DNAH7: variants seen among roughly 807,000 people sequenced by gnomAD.
DNAH7 encodes the protein dynein axonemal heavy chain 7, also known as axonemal beta dynein heavy chain 7.
A neutral mutation model predicts 444.6 loss-of-function variants in DNAH7; 397 were observed. The observed-to-expected ratio is 0.89, with a 90% CI of 0.82 to 0.97. The LOEUF is 0.97. Ranked by LOEUF, DNAH7 falls within the 50% of genes least tolerant of loss-of-function variation. The probability of loss-of-function intolerance (pLI) is 0.00; values close to 1 mark genes in which losing one functional copy is unlikely to be tolerated. For missense variants in DNAH7, 4,902 were observed against 4,800.8 expected, an observed-to-expected ratio of 1.02 and a Z score of -0.62; for synonymous variants, 1,636 against 1,624.4, an observed-to-expected ratio of 1.01 and a Z score of -0.17.
At chr2:196,044,985 G>A (rs1041901209) in intron 5 of DNAH7, among the ~76,000 whole-genome samples, 9 of 151,946 alleles carry the variant, frequency 5.9e-5, no homozygotes, top group Admixed American at 4.6e-4. Context: ...AGAAACATCT[G>A]AGCCCAGGGT....
intron 12 of DNAH7, among the ~76,000 whole-genome samples, chr2:195,991,214 T>C (rs1693317572): frequency 6.6e-6 from 1 of 152,064 alleles, no homozygotes; most frequent in Non-Finnish European, 1.5e-5. Context: ...ATAGTTTGCC[T>C]ACTCCCAATT....
At chr2:195,808,601 A>T (rs1696814005) in intron 53 of DNAH7, 81 bp downstream of exon 53, 1 of 1,529,288 alleles carries the variant, frequency 6.5e-7, no homozygotes, top group Non-Finnish European at 8.9e-7. Context: ...AGCTTATTTA[A>T]ATCTTGCTTT....
rs749776504 is a variant in DNAH7, at chr2:195,855,865, C to A, written c.8541G>T (p.Arg2847Ser). ...ALKEVQDKLARLQDTLELNKQ... is the reference protein window; with the variant it reads ...ALKEVQDKLASLQDTLELNKQ... ...TATTTAATTCAAGTGTGTCTTGAAG[C>A]CTGGCCAGCTTGTCCTGAACTTCCT... The change falls in exon 45 of 65, where the codon AGG becomes AGT. Residue 2847 changes from arginine (R) to serine (S), a missense_variant. By Grantham distance (110) the Arg-to-Ser change is moderately radical. Transcript: ENST00000312428. 2.9e-5 allele frequency: 47 copies of A among 1,613,928 alleles called. No individual in the cohort carries two copies. Among genetic ancestry groups the A allele is most frequent in the Non-Finnish European group, 3.4e-5 (40 of 1,179,966 alleles).
rs1244100848 is a variant in DNAH7 at position 195,802,065 on chromosome 2, A to G, written c.10177-2593T>C. Among the ~76,000 whole-genome samples the G allele has an allele frequency of 3.3e-5, 5 of 152,242 alleles. No individual in the cohort carries two copies. The East Asian group carries it at 9.6e-4, about 29-fold the overall frequency. On this transcript the variant is annotated intron_variant, in intron 54 of 64. Transcript: ENST00000312428. Reference sequence around the variant, plus strand: ...AATTGATAAAAAGCTCAGGATGCCTACTTTTGTGAAAGTGGGGTTCTAATT... The same window carrying G: ...AATTGATAAAAAGCTCAGGATGCCTGCTTTTGTGAAAGTGGGGTTCTAATT...
chr2:195,959,990 T>C (rs1041670183), intron 18 of DNAH7, among the ~76,000 whole-genome samples: 2 of 152,190 alleles, frequency 1.3e-5, no homozygotes, highest in Non-Finnish European at 2.9e-5. Context: ...TTGTTATGAA[T>C]ACAGAAGTTA....
chr2:195,868,438 G>A (rs946758709), intron 40 of DNAH7, among the ~76,000 whole-genome samples: 1 of 151,558 alleles, frequency 6.6e-6, no homozygotes, highest in Non-Finnish European at 1.5e-5. Context: ...GGTACTTAAT[G>A]GCAGTTTTGA....
At chr2:195,955,785 CTT>C (rs1187248646) in intron 19 of DNAH7, among the ~76,000 whole-genome samples, 5 of 152,046 alleles carry the variant, frequency 3.3e-5, no homozygotes, top group African/African-American at 1.2e-4. Context: ...CAAGTATCTA[CTT>C]TTTGCTTTTT....
At chr2:195,763,456 TA>T (rs2105925289) in intron 61 of DNAH7, among the ~76,000 whole-genome samples, 1 of 151,406 alleles carries the variant, frequency 6.6e-6, no homozygotes, top group African/African-American at 2.4e-5. Flanking sequence ...TATGAAAAGA[TA>T]AACAAAATCA....
chr2:195,822,412 T>C (rs1401133954), intron 49 of DNAH7, among the ~76,000 whole-genome samples: 3 of 152,194 alleles, frequency 2.0e-5, no homozygotes, highest in Non-Finnish European at 2.9e-5. Context: ...TTTAAGAACA[T>C]AAACTATGGT....
intron 51 of DNAH7, among the ~76,000 whole-genome samples, chr2:195,811,906 T>C (rs1407179656): frequency 2.6e-5 from 4 of 152,184 alleles, no homozygotes; most frequent in Admixed American, 2.6e-4. Context: ...TTCCTGGGCA[T>C]GGGCGAAGCT....
At chr2:195,809,390 CTT>C (rs1262241836) in intron 52 of DNAH7, among the ~76,000 whole-genome samples, 5 of 152,180 alleles carry the variant, frequency 3.3e-5, no homozygotes, top group African/African-American at 1.2e-4. Flanking sequence ...AAAATAGTGA[CTT>C]TACACAGATT....
chr2:195,861,376 G>A (rs1289357615), intron 42 of DNAH7, among the ~76,000 whole-genome samples: 1 of 152,064 alleles, frequency 6.6e-6, no homozygotes, highest in African/African-American at 2.4e-5. Context: ...AGTCTCAGCT[G>A]TTCAGTATTC....
intron 5 of DNAH7, among the ~76,000 whole-genome samples, chr2:196,029,850 G>A (rs966392069): frequency 6.7e-6 from 1 of 150,248 alleles, no homozygotes; most frequent in Non-Finnish European, 1.5e-5. Flanking sequence ...AAAATGAAAA[G>A]AACTATATTT....
rs1701612568 is a variant in DNAH7, at chr2:195,884,783, C to A, written c.5565G>T (p.Trp1855Cys). ...LEGIFLFSLI[W>C]SVGASCTDDD... Reference sequence around the variant, plus strand: ...CATCTGTACAAGAAGCACCAACGGACCAGATCAATGAAAACAGAAAAATGC... The same window carrying A: ...CATCTGTACAAGAAGCACCAACGGAACAGATCAATGAAAACAGAAAAATGC... The change falls in exon 35 of 65, where the codon TGG (tryptophan) becomes TGT (cysteine). Residue 1855 changes from tryptophan (W) to cysteine (C), a missense_variant. Physicochemically the swap from Trp to Cys is radical, Grantham distance 215. Transcript: ENST00000312428. The A allele has an allele frequency of 2.5e-6, 4 of 1,613,020 alleles. No individual in the cohort carries two copies. Among genetic ancestry groups the A allele is most frequent in the Non-Finnish European group, 3.4e-6 (4 of 1,179,662 alleles).
At position 196,051,169 on chromosome 2, in the gene DNAH7, T is replaced by C. The variant is rs912481545; in HGVS notation, c.141+18A>G. 1.9e-6 allele frequency: 3 copies of C among 1,607,200 alleles called. No homozygotes were observed. The African/African-American group carries it at 4.0e-5, about 21-fold the overall frequency. On this transcript the variant is annotated intron_variant, in intron 3 of 64. Transcript: ENST00000312428. ...TTGAAGCACAAAAATTCAATGAGAA[T>C]ATATTTGGATAAGTTACCATAGACA...
intron 36 of DNAH7, among the ~76,000 whole-genome samples, chr2:195,880,960 T>A (rs1005762514): frequency 1.3e-5 from 2 of 152,110 alleles, no homozygotes; most frequent in African/African-American, 4.8e-5. Flanking sequence ...TGGTGATATC[T>A]TAGATAAATC....
At chr2:195,907,040 CTT>C (rs762996922) in intron 25 of DNAH7, 31 bp from the exon 26 acceptor site, 6 of 1,550,982 alleles carry the variant, frequency 3.9e-6, no homozygotes, top group Middle Eastern at 1.7e-4. Context: ...AAATTTTTGA[CTT>C]TATCTGATTC....
At chr2:196,001,310 T>C (rs188880346) in intron 11 of DNAH7, among the ~76,000 whole-genome samples, 15 of 152,350 alleles carry the variant, frequency 9.8e-5, no homozygotes, top group African/African-American at 3.4e-4. Flanking sequence ...ATGTGAATTT[T>C]CACTAATCTT....
rs77415044 is a variant in DNAH7, at chr2:195,814,078, T to C, written c.9761+2550A>G. 1.6e-4 allele frequency among the ~76,000 whole-genome samples: 24 copies of C among 152,344 alleles called. 1 individual carries two copies. In the East Asian group the frequency reaches 4.4e-3, roughly 28 times the overall value. On this transcript the variant is annotated intron_variant, in intron 51 of 64. Coordinates refer to ENST00000312428, the MANE Select transcript of DNAH7 (RefSeq NM_018897.3). ...GTTAGTGATCAGGAGGGGACACTTCTGGGCTGTTGATAATGTTCTGTGTCT... is the reference window on the plus strand; with the variant it reads ...GTTAGTGATCAGGAGGGGACACTTCCGGGCTGTTGATAATGTTCTGTGTCT...
Sources: gnomAD v4.1 joint callset for allele counts (sites outside exome capture counted in the v4.1 genomes callset) on GRCh38, gnomAD v4.1.1 for gene constraint, MANE v1.5 for transcripts, NCBI Gene and HGNC (gene_info 2026-07-23, HGNC 2026-07-21) for gene names.